Variants in CEP112 observed in about 807,000 individuals in gnomAD.
CEP112 encodes centrosomal protein 112.
Under a neutral mutation model 153.0 loss-of-function variants are expected in CEP112, and 127 were observed. The observed-to-expected ratio is 0.83, with a 90% CI of 0.72 to 0.96. The LOEUF is 0.96. CEP112 is among the 40% of genes least tolerant of loss of function. The probability of loss-of-function intolerance (pLI) is 0.00; values close to 1 mark genes in which losing one functional copy is unlikely to be tolerated. For missense variants in CEP112, 1,089 were observed against 1,101.2 expected, an observed-to-expected ratio of 0.99 and a Z score of 0.16; for synonymous variants, 358 against 374.4, an observed-to-expected ratio of 0.96 and a Z score of 0.51.
chr17:66,028,672 A>G (rs1422371965), intron 14 of CEP112, among the ~76,000 whole-genome samples: 1 of 151,944 alleles, frequency 6.6e-6, no homozygotes, highest in African/African-American at 2.4e-5. Flanking sequence ...AAAAATAGAA[A>G]TTAAATGCTA....
At chr17:65,892,519 T>C (rs755471381) in intron 20 of CEP112, among the ~76,000 whole-genome samples, 6 of 150,454 alleles carry the variant, frequency 4.0e-5, no homozygotes, top group South Asian at 2.1e-4. Flanking sequence ...CAGTAGATGA[T>C]GATTTTTTTT....
chr17:65,738,386 C>T (rs963345634), intron 23 of CEP112, among the ~76,000 whole-genome samples: 1 of 152,118 alleles, frequency 6.6e-6, no homozygotes, highest in African/African-American at 2.4e-5. Context: ...TCAACATGTT[C>T]TGTCCAAAAA....
chr17:65,733,598 G>C (rs2050637481), intron 23 of CEP112, among the ~76,000 whole-genome samples: 1 of 152,116 alleles, frequency 6.6e-6, no homozygotes, highest in Non-Finnish European at 1.5e-5. Context: ...ATATATGACG[G>C]TTACCACAAG....
At chr17:65,775,801 C>T (rs1458928664) in intron 21 of CEP112, among the ~76,000 whole-genome samples, 1 of 152,234 alleles carries the variant, frequency 6.6e-6, no homozygotes, top group Non-Finnish European at 1.5e-5. Flanking sequence ...TTGCGCCCAG[C>T]AAAACCTAAT....
At chr17:65,827,777 AT>A (rs1470470993) in intron 21 of CEP112, among the ~76,000 whole-genome samples, 1 of 152,168 alleles carries the variant, frequency 6.6e-6, no homozygotes, top group Admixed American at 6.5e-5. Context: ...TCCTCTAGCA[AT>A]GCCAGCCATG....
intron 18 of CEP112, among the ~76,000 whole-genome samples, chr17:65,936,326 C>G (rs1268225175): frequency 6.6e-6 from 1 of 152,180 alleles, no homozygotes; most frequent in Non-Finnish European, 1.5e-5. Context: ...CAGCTCACTG[C>G]TGAATTCTAC....
intron 9 of CEP112, among the ~76,000 whole-genome samples, chr17:66,068,790 C>A (rs1230436020): frequency 6.6e-6 from 1 of 151,868 alleles, no homozygotes; most frequent in East Asian, 1.9e-4. Context: ...GTAATTTTTC[C>A]AAATAAATTT....
chr17:65,826,537 A>G, intron 21 of CEP112: 1 of 1,345,600 alleles, frequency 7.4e-7, no homozygotes, highest in Non-Finnish European at 9.5e-7. Flanking sequence ...TCCTGATGTC[A>G]GCTAATGTGA....
At chr17:66,119,398 C>G (rs1199311094) in intron 6 of CEP112, among the ~76,000 whole-genome samples, 1 of 152,144 alleles carries the variant, frequency 6.6e-6, no homozygotes, top group African/African-American at 2.4e-5. Context: ...AATTCTAGCC[C>G]AACACCTGGA....
intron 23 of CEP112, among the ~76,000 whole-genome samples, chr17:65,727,758 A>G (rs533459262): frequency 1.3e-5 from 2 of 152,290 alleles, no homozygotes; most frequent in African/African-American, 4.8e-5. Flanking sequence ...CAGGCAGTGC[A>G]ACATATAGGA....
chr17:65,999,062 C>T (rs1267274486), intron 17 of CEP112, among the ~76,000 whole-genome samples: 1 of 152,056 alleles, frequency 6.6e-6, no homozygotes, highest in Non-Finnish European at 1.5e-5. Flanking sequence ...GTTTACAAGT[C>T]ATTTTAAGTC....
chr17:65,828,858 G>A (rs2056957892), intron 21 of CEP112, among the ~76,000 whole-genome samples: 1 of 151,002 alleles, frequency 6.6e-6, no homozygotes, highest in East Asian at 1.9e-4. Flanking sequence ...TCAAAAGTGA[G>A]ATTAATATGT....
intron 23 of CEP112, among the ~76,000 whole-genome samples, chr17:65,717,973 C>G (rs1410205025): frequency 1.3e-5 from 2 of 152,050 alleles, no homozygotes; most frequent in Non-Finnish European, 2.9e-5. Context: ...TTTCTGATAA[C>G]TTTTCTCTAT....
chr17:66,080,904 A>T (rs1048321962), intron 8 of CEP112, among the ~76,000 whole-genome samples: 4 of 152,158 alleles, frequency 2.6e-5, no homozygotes, highest in Non-Finnish European at 5.9e-5. Flanking sequence ...CAGCAAACTA[A>T]CACAAGAACA....
chr17:65,937,866 A>C (rs1205659514), intron 18 of CEP112, among the ~76,000 whole-genome samples: 1 of 88,876 alleles, frequency 1.1e-5, no homozygotes, highest in Non-Finnish European at 2.3e-5. Context: ...GGCCGCCCCT[A>C]CTGGGAAGTG....
At chr17:65,820,231 A>G in intron 21 of CEP112, among the ~76,000 whole-genome samples, 1 of 152,064 alleles carries the variant, frequency 6.6e-6, no homozygotes, top group East Asian at 1.9e-4. Flanking sequence ...TGACTGCCTC[A>G]GAAAATTCTT....
At chr17:65,830,311 A>G (rs1045322528) in intron 21 of CEP112, among the ~76,000 whole-genome samples, 2 of 152,222 alleles carry the variant, frequency 1.3e-5, no homozygotes, top group African/African-American at 4.8e-5. Context: ...CTGGTAAGAG[A>G]AATATTCATG....
chr17:66,177,067 A>G (rs2072510453), intron 2 of CEP112, 47 bp from the exon 3 acceptor site: 1 of 1,467,064 alleles, frequency 6.8e-7, no homozygotes. Context: ...TTATAAAATG[A>G]AACATTCAAT....
intron 8 of CEP112, among the ~76,000 whole-genome samples, chr17:66,095,777 C>T (rs2068318163): frequency 6.6e-6 from 1 of 152,110 alleles, no homozygotes; most frequent in African/African-American, 2.4e-5. Flanking sequence ...ACACAATAAA[C>T]ATCTACAATT....
Sources: allele counts gnomAD v4.1 joint callset (sites outside exome capture counted in the v4.1 genomes callset), GRCh38; gene constraint gnomAD v4.1.1; transcripts MANE v1.5; gene names NCBI Gene and HGNC (gene_info 2026-07-23, HGNC 2026-07-21).